The following GUCY2C variants were observed in gnomAD, a reference collection of about 807,000 sequenced individuals.
The protein encoded by GUCY2C is guanylyl cyclase C.
A neutral mutation model predicts 131.1 loss-of-function variants in GUCY2C; 118 were observed. That is an observed-to-expected ratio of 0.90 (90% CI 0.78 to 1.05). The LOEUF (loss-of-function observed/expected upper bound fraction) is 1.05, where lower values mean the gene tolerates loss of function less well. Among genes scored for constraint, GUCY2C ranks in the 50% least tolerant of loss-of-function variants. The pLI is 0.00. For synonymous variants in GUCY2C, 452 were observed against 457.8 expected, an observed-to-expected ratio of 0.99 and a Z score of 0.16; for missense variants, 1,161 against 1,304.4, an observed-to-expected ratio of 0.89 and a Z score of 1.69.
chr12:14,637,795 G>T (rs908068715), intron 19 of GUCY2C, among the ~76,000 whole-genome samples: 7 of 152,112 alleles, frequency 4.6e-5, no homozygotes, highest in Non-Finnish European at 8.8e-5. Flanking sequence ...ATAGAGAAAA[G>T]ACTTTAGGAC....
chr12:14,661,322 C>T (rs763246631), intron 10 of GUCY2C, among the ~76,000 whole-genome samples: 3 of 152,040 alleles, frequency 2.0e-5, no homozygotes, highest in Admixed American at 6.6e-5. Flanking sequence ...TAAGAATCAC[C>T]AAATGTTACA....
chr12:14,648,463 C>T (rs1437957431), intron 15 of GUCY2C, among the ~76,000 whole-genome samples: 1 of 152,082 alleles, frequency 6.6e-6, no homozygotes, highest in African/African-American at 2.4e-5. Context: ...CCACAAAGGC[C>T]ATCACAACCT....
chr12:14,641,407 G>T (rs1235437852), intron 17 of GUCY2C, among the ~76,000 whole-genome samples, 188 bp from the exon 18 acceptor site: 1 of 152,142 alleles, frequency 6.6e-6, no homozygotes, highest in African/African-American at 2.4e-5. Context: ...ATCAAAGGTA[G>T]AACACACACC....
chr12:14,628,040 G>T (rs1475633759), intron 20 of GUCY2C, among the ~76,000 whole-genome samples: 1 of 152,152 alleles, frequency 6.6e-6, no homozygotes, highest in Non-Finnish European at 1.5e-5. Context: ...TTTGCCCAAT[G>T]CCCCACAGCA....
At chr12:14,652,075 T>G (rs1947671784) in intron 13 of GUCY2C, 45 bp from the exon 14 acceptor site, 1 of 1,033,498 alleles carries the variant, frequency 9.7e-7, no homozygotes, top group Non-Finnish European at 1.5e-6. Context: ...GTGGTGTAAC[T>G]CTTTACATGC....
intron 19 of GUCY2C, among the ~76,000 whole-genome samples, chr12:14,633,712 A>G (rs2137004908): frequency 6.6e-6 from 1 of 152,094 alleles, no homozygotes; most frequent in African/African-American, 2.4e-5. Context: ...AGAAATAGAT[A>G]CCATAAAAAA....
chr12:14,650,288 G>T (rs1234717123), intron 15 of GUCY2C, among the ~76,000 whole-genome samples: 1 of 152,054 alleles, frequency 6.6e-6, no homozygotes, highest in African/African-American at 2.4e-5. Flanking sequence ...TCGCTCTGTT[G>T]CCAGGTTGGA....
At chr12:14,687,870 A>C in intron 2 of GUCY2C, 81 bp downstream of exon 2, 1 of 787,348 alleles carries the variant, frequency 1.3e-6, no homozygotes, top group Non-Finnish European at 2.3e-6. Flanking sequence ...GAGCTGCTTC[A>C]TGGTCATGTG....
chr12:14,664,318 G>C (rs1947926736), intron 10 of GUCY2C, among the ~76,000 whole-genome samples: 2 of 152,044 alleles, frequency 1.3e-5, no homozygotes, highest in Non-Finnish European at 2.9e-5. Context: ...AAACGAAAGT[G>C]AGTACAAGAA....
intron 19 of GUCY2C, among the ~76,000 whole-genome samples, chr12:14,635,299 A>G (rs1415110653): frequency 1.3e-5 from 2 of 152,222 alleles, no homozygotes; most frequent in Non-Finnish European, 2.9e-5. Context: ...GTAGAACTCA[A>G]TACCAGGAGG....
At chr12:14,654,327 G>A (rs1168083376) in intron 12 of GUCY2C, among the ~76,000 whole-genome samples, 2 of 152,120 alleles carry the variant, frequency 1.3e-5, no homozygotes. Context: ...TCTGGTTGTA[G>A]GTATTTTCCA....
intron 19 of GUCY2C, among the ~76,000 whole-genome samples, chr12:14,632,382 A>G (rs1947164492): frequency 6.6e-6 from 1 of 152,200 alleles, no homozygotes; most frequent in Non-Finnish European, 1.5e-5. Flanking sequence ...AAATATCTTA[A>G]AATACTTTAC....
chr12:14,659,347 A>G (rs1242162831), intron 11 of GUCY2C, among the ~76,000 whole-genome samples: 4 of 152,200 alleles, frequency 2.6e-5, no homozygotes, highest in East Asian at 1.9e-4. Context: ...TCGGCCACCA[A>G]CATTATTTCT....
Position 14,690,783 on chromosome 12 carries a change from C to T in GUCY2C, c.218-2720G>A, listed in dbSNP as rs368122744. ...GTCTCGATCTCCTGACCTCATGATC[C>T]GCCCGCCTCGGCCTCCCAAAGTGCT... On this transcript the variant is annotated intron_variant, in intron 1 of 26. Coordinates refer to ENST00000261170, the MANE Select transcript of GUCY2C (RefSeq NM_004963.4). 1.5e-4 allele frequency among the ~76,000 whole-genome samples: 23 copies of T among 152,206 alleles called. No homozygotes were observed. In the East Asian group the frequency reaches 1.7e-3, roughly 12 times the overall value.
In GUCY2C at chr12:14,695,765, G is replaced by T. The variant is rs144787221; in HGVS notation, c.217+467C>A. On this transcript the variant is annotated intron_variant, in intron 1 of 26. Transcript: ENST00000261170. ...TAGGTCTAGACCAAATCTTACCTCT[G>T]AGTACAGAAGGAAACATAATGCCTT... 1.5e-3 allele frequency among the ~76,000 whole-genome samples: 231 copies of T among 152,122 alleles called. 3 individuals are homozygous for T. The highest frequency in any genetic ancestry group is 0.015 in the East Asian group (75 of 5,172).
chr12:14,696,332 G>A lies in GUCY2C; in HGVS notation c.117C>T (p.Val39=), dbSNP rs1298968140. ...CAAAGGCTGAGTTGCCCATCATCAG[G>A]ACGCTGATTTCATAGCTGCCATTGT... The part of the protein sequence containing the change: ...NCHNGSYEIS[V]LMMGNSAFAE... Residue 39 remains valine, a synonymous_variant, in exon 1 of 27, where the codon GTC becomes GTT. Coordinates refer to ENST00000261170, the MANE Select transcript of GUCY2C (RefSeq NM_004963.4). 1 of 1,614,052 alleles carries A rather than the reference G, an allele frequency of 6.2e-7. No individual in the cohort carries two copies. Among genetic ancestry groups the A allele is most frequent in the South Asian group, 1.1e-5 (1 of 91,074 alleles).
At chr12:14,664,995 C>G (rs751397653) in intron 10 of GUCY2C, among the ~76,000 whole-genome samples, 2 of 151,920 alleles carry the variant, frequency 1.3e-5, no homozygotes, top group Non-Finnish European at 2.9e-5. Flanking sequence ...GGGTGGATCA[C>G]GAGGTCAGGA....
intron 11 of GUCY2C, among the ~76,000 whole-genome samples, chr12:14,657,761 C>T (rs187221585): frequency 2.6e-5 from 4 of 152,130 alleles, no homozygotes; most frequent in African/African-American, 9.7e-5. Context: ...ACTCTCCCCA[C>T]CCCCAAAAAT....
At chr12:14,620,225 C>G (rs181389634) in intron 23 of GUCY2C, among the ~76,000 whole-genome samples, 5 of 152,270 alleles carry the variant, frequency 3.3e-5, no homozygotes, top group Non-Finnish European at 1.5e-5. Flanking sequence ...AAACTAAAAG[C>G]CTAACTAGGG....
Sources: allele counts gnomAD v4.1 joint callset (sites outside exome capture counted in the v4.1 genomes callset), GRCh38; gene constraint gnomAD v4.1.1; transcripts MANE v1.5; gene names NCBI Gene and HGNC (gene_info 2026-07-23, HGNC 2026-07-21).